Variants in PIK3C2B observed in about 807,000 individuals in gnomAD.
The protein encoded by PIK3C2B is phosphatidylinositol-4-phosphate 3-kinase catalytic subunit type 2 beta.
PIK3C2B carries 83 observed loss-of-function variants against 184.3 expected under a neutral mutation model. The ratio of observed to expected loss-of-function variants is 0.45; its 90% confidence interval spans 0.38 to 0.54. PIK3C2B has a LOEUF of 0.54. Ranked by LOEUF, PIK3C2B falls within the 20% of genes least tolerant of loss-of-function variation. The probability of loss-of-function intolerance (pLI) is 0.00; values close to 1 mark genes in which losing one functional copy is unlikely to be tolerated. For missense variants in PIK3C2B, 1,736 were observed against 2,113.5 expected (o/e 0.82, Z 3.50); for synonymous variants, 779 against 837.6 (o/e 0.93, Z 1.21).
intron 28 of PIK3C2B, 50 bp downstream of exon 28, chr1:204,431,619 T>A: frequency 6.2e-7 from 1 of 1,610,470 alleles, no homozygotes; most frequent in Non-Finnish European, 8.5e-7. Flanking sequence ...TCCCGTATCC[T>A]TTCCCCCTCC....
chr1:204,432,053 G>A lies in PIK3C2B; in HGVS notation c.4155+147C>T, dbSNP rs539431251. 66 of 764,202 alleles carry A rather than the reference G, an allele frequency of 8.6e-5. No individual in the cohort carries two copies. The South Asian group carries it at 1.1e-3, about 12-fold the overall frequency. 47.3% of individuals were successfully genotyped at this position (764,202 alleles called of 1,614,324 possible). On this transcript the variant is annotated intron_variant, in intron 27 of 32. Transcript: ENST00000684373. ...TTCTAGGCAGATCACGTGAGCAAAG[G>A]AGAGGGAAGTGGTCCAGGACTGCTC... is the stretch of plus-strand genomic sequence containing the variant.
At chr1:204,441,329 T>A in intron 21 of PIK3C2B, 142 bp downstream of exon 21, 1 of 563,522 alleles carries the variant, frequency 1.8e-6, no homozygotes, top group Non-Finnish European at 3.2e-6. Context: ...ATCTAAATCC[T>A]TTTTCACCTG....
At position 204,469,638 on chromosome 1, in the gene PIK3C2B, G is replaced by C. The variant is rs759338064; in HGVS notation, c.165C>G (p.Pro55=). 1.7e-5 allele frequency: 27 copies of C among 1,612,866 alleles called. No homozygotes were observed. In the Admixed American group the frequency reaches 3.5e-4, roughly 21 times the overall value. The stretch of plus-strand genomic sequence containing the variant: ...CAGGCTCATCCCAGCTGATGAGAGA[G>C]GGGTCTGCGTTCTGCTTGGCTCTGT... ...EENRAKQNAD[P]SLISWDEPGV... Residue 55 remains proline, a synonymous_variant, in exon 2 of 33, where the codon CCC becomes CCG. Coordinates refer to ENST00000684373, the MANE Select transcript of PIK3C2B (RefSeq NM_001377334.1).
rs746265739 is a variant in PIK3C2B, at chr1:204,424,736, G to A, written c.*116C>T. The A allele has an allele frequency of 8.0e-6, 8 of 1,002,138 alleles. No homozygotes were observed. Among genetic ancestry groups the A allele is most frequent in the Middle Eastern group, 2.0e-4 (1 of 4,896 alleles). The allele number at this position is 1,002,138 out of a possible 1,614,324, so 62.1% of individuals were successfully genotyped here. A position where few individuals can be genotyped will look rare whatever the true frequency, so the allele number is the denominator to read the frequency against. ...CACAGAGGCCAGAATCACCTGGACC[G>A]AGCTGGAGGCCTGCCCAGGGCCCTG... On this transcript the variant is annotated 3_prime_UTR_variant, in exon 33 of 33. Coordinates refer to ENST00000684373, the MANE Select transcript of PIK3C2B (RefSeq NM_001377334.1).
chr1:204,475,908 G>A (rs1203687830), intron 1 of PIK3C2B, among the ~76,000 whole-genome samples: 3 of 152,050 alleles, frequency 2.0e-5, no homozygotes, highest in Non-Finnish European at 4.4e-5. Flanking sequence ...CAGATCTCAT[G>A]CCCAGGGCCA....
rs1165853656 is a variant in PIK3C2B at position 204,432,338 on chromosome 1, A to C, written c.4017T>G (p.Ala1339=). Residue 1339 remains alanine, a synonymous_variant, in exon 27 of 33, where the codon GCT becomes GCG. Transcript: ENST00000684373. ...CATCTGAGCCCGTGAACTTCATCTG[A>C]GCCAGATTATGGATGAAAAAATTGA... The part of the protein sequence containing the change: ...TKLNFFIHNL[A]QMKFTGSDDR... The C allele has an allele frequency of 6.2e-7, 1 of 1,614,136 alleles. No individual in the cohort carries two copies. The highest frequency in any genetic ancestry group is 1.7e-5 in the Admixed American group (1 of 60,022).
rs904393462 is a variant in PIK3C2B, at chr1:204,433,345, T to C, written c.3924A>G (p.Thr1308=). 1.2e-6 allele frequency: 2 copies of C among 1,602,764 alleles called. No homozygotes were observed. The highest frequency in any genetic ancestry group is 1.1e-5 in the South Asian group (1 of 90,856). ...YVYDALRPQD[T]EANATTYFTR... ...TGAAGTAGGTAGTGGCATTGGCCTC[T>C]GTATCCTGAGGCCTCAGGGCATCGT... is the stretch of plus-strand genomic sequence containing the variant. Residue 1308 remains threonine, a synonymous_variant, in exon 26 of 33, where the codon ACA becomes ACG. Transcript: ENST00000684373. The surrounding 1 kb of genome is among the most constrained non-coding windows in gnomAD (Gnocchi z 5.0).
At position 204,474,706 on chromosome 1, in the gene PIK3C2B, CT is replaced by C. The variant is rs1406346121; in HGVS notation, c.-84-4821del. On this transcript the variant is annotated intron_variant, in intron 1 of 32. Coordinates refer to ENST00000684373, the MANE Select transcript of PIK3C2B (RefSeq NM_001377334.1). ...ACCCCCTCTGCTTGGGCAATCTCATCTATTCTTGTTTCCTATCCATACTACT... is the reference window on the plus strand; with the variant it reads ...ACCCCCTCTGCTTGGGCAATCTCATCATTCTTGTTTCCTATCCATACTACT... Among the ~76,000 whole-genome samples the C allele has an allele frequency of 2.0e-5, 3 of 152,066 alleles. No individual in the cohort carries two copies. In the East Asian group the frequency reaches 5.8e-4, roughly 29 times the overall value.
chr1:204,453,533 G>A (rs1553302930), intron 12 of PIK3C2B, among the ~76,000 whole-genome samples: 1 of 152,132 alleles, frequency 6.6e-6, no homozygotes, highest in Non-Finnish European at 1.5e-5. Context: ...AAAGAATAGA[G>A]AGAAAGTAGT....
chr1:204,449,982 C>G lies in PIK3C2B; in HGVS notation c.2102G>C (p.Arg701Pro). 1 of 1,591,348 alleles carries G rather than the reference C, an allele frequency of 6.3e-7. No individual in the cohort carries two copies. Among genetic ancestry groups the G allele is most frequent in the Non-Finnish European group, 8.6e-7 (1 of 1,168,440 alleles). The change falls in exon 13 of 33, where the codon CGG becomes CCG. Residue 701 changes from arginine (R) to proline (P), a missense_variant. Physicochemically the swap from Arg to Pro is moderately radical, Grantham distance 103. This residue lies in a region of PIK3C2B where 609 missense variants were observed against 699.2 expected (regional missense o/e 0.87). Coordinates refer to ENST00000684373, the MANE Select transcript of PIK3C2B (RefSeq NM_001377334.1). ...GAGAGTGGCACACAGCAGTGTCTCC[C>G]GAGGCAGCCGGTTCACCTGCACTGG... ...CFPVQVNRLP[R>P]ETLLCATLYA...
intron 20 of PIK3C2B, among the ~76,000 whole-genome samples, chr1:204,442,063 T>G (rs536513837): frequency 6.6e-6 from 1 of 152,250 alleles, no homozygotes; most frequent in South Asian, 2.1e-4. Context: ...GAAAGACACC[T>G]GCCTAGCCGC....
In PIK3C2B at chr1:204,444,405, G is replaced by A. The variant is rs1653670840; in HGVS notation, c.2698C>T (p.Arg900Cys). Residue 900 changes from arginine to cysteine, a missense_variant, in exon 17 of 33, where the codon CGT becomes TGT. This residue lies in a region of PIK3C2B where 289 missense variants were observed against 380.4 expected (regional missense o/e 0.76). Coordinates refer to ENST00000684373, the MANE Select transcript of PIK3C2B (RefSeq NM_001377334.1). ...CCAATCCACTGCACAGCCATACGAC[G>A]CACCTCCTGGTCCGGGAAGCTGCAA... ...LHATFPDQEV[R>C]RMAVQWIGSL... 8 of 1,613,488 alleles carry A rather than the reference G, an allele frequency of 5.0e-6. No homozygotes were observed. Among genetic ancestry groups the A allele is most frequent in the Non-Finnish European group, 6.8e-6 (8 of 1,179,750 alleles).
At position 204,457,714 on chromosome 1, in the gene PIK3C2B, C is replaced by CT. The variant is rs781444083; in HGVS notation, c.1713+13dup. On this transcript the variant is annotated intron_variant, in intron 9 of 32. Transcript: ENST00000684373. ...TCTCTTCCTTTCCCCTGCTAGCACC[C>CT]TGGGCCCCTTTACCTTCTGAATTTT... The CT allele has an allele frequency of 1.3e-6, 2 of 1,596,852 alleles. No homozygotes were observed. Among genetic ancestry groups the CT allele is most frequent in the South Asian group, 2.3e-5 (2 of 88,494 alleles).
intron 11 of PIK3C2B, among the ~76,000 whole-genome samples, chr1:204,455,343 C>T (rs1467677416): frequency 1.3e-5 from 2 of 151,946 alleles, no homozygotes; most frequent in Non-Finnish European, 2.9e-5. Flanking sequence ...GGAAAGGGGA[C>T]CGGCAGGGGC....
At chr1:204,474,927 C>T (rs1260220939) in intron 1 of PIK3C2B, among the ~76,000 whole-genome samples, 2 of 150,604 alleles carry the variant, frequency 1.3e-5, no homozygotes, top group Non-Finnish European at 3.0e-5. Flanking sequence ...ATCCTAGAGT[C>T]CCCCTTCCTT....
At chr1:204,453,686 G>A (rs1654568044) in intron 12 of PIK3C2B, among the ~76,000 whole-genome samples, 1 of 152,204 alleles carries the variant, frequency 6.6e-6, no homozygotes, top group African/African-American at 2.4e-5. Context: ...GGGAAGAAGG[G>A]AGAGGATGAG....
intron 29 of PIK3C2B, among the ~76,000 whole-genome samples, chr1:204,429,283 A>G (rs534608195): frequency 6.6e-6 from 1 of 152,146 alleles, no homozygotes; most frequent in Non-Finnish European, 1.5e-5. Context: ...GGGAAAAAAA[A>G]CACATACTCT....
intron 1 of PIK3C2B, among the ~76,000 whole-genome samples, chr1:204,486,059 T>C (rs1657560150): frequency 6.6e-6 from 1 of 152,206 alleles, no homozygotes; most frequent in Admixed American, 6.5e-5. Flanking sequence ...TTTGTATAGG[T>C]ATTTATAGCT....
chr1:204,473,391 A>G (rs1023157767), intron 1 of PIK3C2B, among the ~76,000 whole-genome samples: 1 of 152,252 alleles, frequency 6.6e-6, no homozygotes, highest in Non-Finnish European at 1.5e-5. Context: ...CTTACAGATC[A>G]CTTTTTATCC....
Sources: allele counts gnomAD v4.1 joint callset (sites outside exome capture counted in the v4.1 genomes callset), GRCh38; gene constraint gnomAD v4.1.1; regional missense constraint gnomAD v4.1.1; non-coding constraint Gnocchi (gnomAD v3.1); transcripts MANE v1.5; gene names NCBI Gene and HGNC (gene_info 2026-07-23, HGNC 2026-07-21).